Variants in SFT2D2 observed in about 807,000 individuals in gnomAD.
The protein encoded by SFT2D2 is SFT2 domain containing 2.
A neutral mutation model predicts 27.4 loss-of-function variants in SFT2D2; 21 were observed. That is an observed-to-expected ratio of 0.77 (90% confidence interval 0.54 to 1.10). SFT2D2 has a LOEUF of 1.10. Ranked by LOEUF, SFT2D2 falls within the 50% of genes least tolerant of loss-of-function variation. The pLI is 0.00. For synonymous variants in SFT2D2, 72 were observed against 71.7 expected, an observed-to-expected ratio of 1.00 and a Z score of -0.02; for missense variants, 187 against 194.2, an observed-to-expected ratio of 0.96 and a Z score of 0.22.
In SFT2D2 at chr1:168,246,047, C is replaced by A. The variant is rs59879537; in HGVS notation, c.*3507C>A. On this transcript the variant is annotated 3_prime_UTR_variant, in exon 8 of 8. Transcript: ENST00000271375. ...CGCAGTGACGCAATGAAGCATCCAG[C>A]AAAGCTTTTGTTGTTGATTGTTTAG... 1.5e-4 allele frequency: 34 copies of A among 228,836 alleles called. No individual in the cohort carries two copies. The highest frequency in any genetic ancestry group is 7.6e-4 in the African/African-American group (32 of 41,998). 14.2% of individuals were successfully genotyped at this position (228,836 alleles called of 1,614,324 possible).
rs1647719757 is a variant in SFT2D2, at chr1:168,243,856, C to G, written c.*1316C>G. The G allele has an allele frequency of 6.5e-6, 1 of 152,988 alleles. No homozygotes were observed. Among genetic ancestry groups the G allele is most frequent in the Non-Finnish European group, 1.5e-5 (1 of 68,578 alleles). The allele number at this position is 152,988 out of a possible 1,614,324, so 9.5% of individuals were successfully genotyped here. On this transcript the variant is annotated 3_prime_UTR_variant, in exon 8 of 8. Coordinates refer to ENST00000271375, the MANE Select transcript of SFT2D2 (RefSeq NM_199344.3). ...CTCCTCCCTGGCCCTCCCTGCCCAT[C>G]TCTTTTGGAAGCTTCTTCCTGGATC...
intron 1 of SFT2D2, 75 bp from the exon 2 acceptor site, chr1:168,231,439 T>C (rs1647287561): frequency 1.6e-6 from 2 of 1,285,458 alleles, no homozygotes; most frequent in Non-Finnish European, 2.2e-6. Context: ...CTTAACACTT[T>C]CTAGATTTAG....
intron 6 of SFT2D2, among the ~76,000 whole-genome samples, chr1:168,237,808 A>G (rs2102331686): frequency 6.6e-6 from 1 of 151,956 alleles, no homozygotes; most frequent in South Asian, 2.1e-4. Context: ...TGTTAAGTAT[A>G]AGATATGGAG....
Position 168,252,544 on chromosome 1 carries a change from C to T in SFT2D2, c.*10004C>T, listed in dbSNP as rs530508545. The T allele has an allele frequency of 1.3e-5, 2 of 152,052 alleles. No individual in the cohort carries two copies. Among genetic ancestry groups the T allele is most frequent in the Non-Finnish European group, 2.9e-5 (2 of 67,996 alleles). 9.4% of individuals were successfully genotyped at this position (152,052 alleles called of 1,614,324 possible). ...ATTTTTTGGTCTTTCTGCTATGAAA[C>T]GTGTTTATTTTGCCTCTGTCAATGT... is the stretch of plus-strand genomic sequence containing the variant. On this transcript the variant is annotated 3_prime_UTR_variant, in exon 8 of 8. Transcript: ENST00000271375.
intron 3 of SFT2D2, 64 bp downstream of exon 3, chr1:168,231,983 C>T: frequency 2.1e-6 from 3 of 1,432,552 alleles, no homozygotes; most frequent in Non-Finnish European, 2.0e-6. Context: ...TGTTGGTTGC[C>T]CTTGAGGGAG....
rs937195770 is a variant in SFT2D2, at chr1:168,243,348, C to G, written c.*808C>G. 1 of 151,564 alleles carries G rather than the reference C, an allele frequency of 6.6e-6. No homozygotes were observed. Among genetic ancestry groups the G allele is most frequent in the African/African-American group, 2.4e-5 (1 of 41,210 alleles). The allele number at this position is 151,564 out of a possible 1,614,324, so 9.4% of individuals were successfully genotyped here. ...CCATAGGAGTTGAAAAATCCTGCTG[C>G]TCTCAGCTATATTTTTTTCTCCATT... On this transcript the variant is annotated 3_prime_UTR_variant, in exon 8 of 8. Transcript: ENST00000271375.
intron 1 of SFT2D2, among the ~76,000 whole-genome samples, chr1:168,227,511 G>C (rs1157879963): frequency 6.6e-6 from 1 of 152,192 alleles, no homozygotes; most frequent in Non-Finnish European, 1.5e-5. Context: ...GTAATTCTAT[G>C]GGATCGAATG....
chr1:168,232,788 A>G lies in SFT2D2; in HGVS notation c.236+869A>G, dbSNP rs115084406. On this transcript the variant is annotated intron_variant, in intron 3 of 7. Coordinates refer to ENST00000271375, the MANE Select transcript of SFT2D2 (RefSeq NM_199344.3). Reference sequence around the variant, plus strand: ...TGGTCCCTGCCAGGCAGACAGACATATAACTCATGATATAACAAGATATGG... The same window carrying G: ...TGGTCCCTGCCAGGCAGACAGACATGTAACTCATGATATAACAAGATATGG... 4.0e-3 allele frequency among the ~76,000 whole-genome samples: 613 copies of G among 152,366 alleles called. 1 individual carries two copies. The highest frequency in any genetic ancestry group is 0.014 in the African/African-American group (597 of 41,576).
At position 168,245,864 on chromosome 1, in the gene SFT2D2, C is replaced by T. The variant is rs562729316; in HGVS notation, c.*3324C>T. ...GCCATCTTGCTTTTTAATTGTATTT[C>T]TTAACACTAGAATTTTCTATTTCAA... On this transcript the variant is annotated 3_prime_UTR_variant, in exon 8 of 8. Coordinates refer to ENST00000271375, the MANE Select transcript of SFT2D2 (RefSeq NM_199344.3). The T allele has an allele frequency of 6.6e-6, 1 of 152,650 alleles. No individual in the cohort carries two copies. The highest frequency in any genetic ancestry group is 2.1e-4 in the South Asian group (1 of 4,832). The allele number at this position is 152,650 out of a possible 1,614,324, so 9.5% of individuals were successfully genotyped here.
Position 168,242,755 on chromosome 1 carries a change from G to A in SFT2D2, c.*215G>A. ...TAGCACAGGATGAGAAGTGGGTTCT[G>A]TATCTTGTGGAGTGGAATCTTCCTC... On this transcript the variant is annotated 3_prime_UTR_variant, in exon 8 of 8. Transcript: ENST00000271375. 1 of 576,726 alleles carries A rather than the reference G, an allele frequency of 1.7e-6. No individual in the cohort carries two copies. Among genetic ancestry groups the A allele is most frequent in the South Asian group, 2.0e-5 (1 of 50,254 alleles). The allele number at this position is 576,726 out of a possible 1,614,324, so 35.7% of individuals were successfully genotyped here.
Position 168,239,457 on chromosome 1 carries a change from G to GTTT in SFT2D2, c.443+315_443+317dup, listed in dbSNP as rs34187475. On this transcript the variant is annotated intron_variant, in intron 7 of 7. Transcript: ENST00000271375. ...CTTTTAACCCGTAGCTTTGAGTAGG[G>GTTT]TTTTTTTTTTTTTTTTTTTTATAAA... 2.1e-3 allele frequency among the ~76,000 whole-genome samples: 277 copies of GTTT among 129,484 alleles called. 2 individuals carry two copies. The highest frequency in any genetic ancestry group is 7.1e-3 in the African/African-American group (248 of 34,824). 84.9% of individuals were successfully genotyped at this position (129,484 alleles called of 152,430 possible). A position where few individuals can be genotyped will look rare whatever the true frequency, so the allele number is the denominator to read the frequency against.
Position 168,243,325 on chromosome 1 carries a change from A to G in SFT2D2, c.*785A>G, listed in dbSNP as rs1300967325. On this transcript the variant is annotated 3_prime_UTR_variant, in exon 8 of 8. Coordinates refer to ENST00000271375, the MANE Select transcript of SFT2D2 (RefSeq NM_199344.3). ...CTGTTTTTTTTTTGGACGAGAGCCC[A>G]TAGGAGTTGAAAAATCCTGCTGCTC... 2 of 150,924 alleles carry G rather than the reference A, an allele frequency of 1.3e-5. No homozygotes were observed. Among genetic ancestry groups the G allele is most frequent in the Non-Finnish European group, 2.9e-5 (2 of 67,854 alleles). The allele number at this position is 150,924 out of a possible 1,614,324, so 9.3% of individuals were successfully genotyped here. A position where few individuals can be genotyped will look rare whatever the true frequency, so the allele number is the denominator to read the frequency against.
rs1211742946 is a variant in SFT2D2 at position 168,249,781 on chromosome 1, A to C, written c.*7241A>C. 6.6e-6 allele frequency: 1 copy of C among 152,334 alleles called. No homozygotes were observed. Among genetic ancestry groups the C allele is most frequent in the Non-Finnish European group, 1.5e-5 (1 of 68,042 alleles). 9.4% of individuals were successfully genotyped at this position (152,334 alleles called of 1,614,324 possible). On this transcript the variant is annotated 3_prime_UTR_variant, in exon 8 of 8. Transcript: ENST00000271375. ...ACAGTTCCTGCTGGGTCATTGCAAGATGTCAGTGAGACGTGTCAAGTGCTT... is the reference window on the plus strand; with the variant it reads ...ACAGTTCCTGCTGGGTCATTGCAAGCTGTCAGTGAGACGTGTCAAGTGCTT...
Position 168,231,865 on chromosome 1 carries a change from G to A in SFT2D2, c.182G>A (p.Gly61Glu). The A allele has an allele frequency of 1.9e-6, 3 of 1,614,114 alleles. No homozygotes were observed. Among genetic ancestry groups the A allele is most frequent in the Non-Finnish European group, 2.5e-6 (3 of 1,180,012 alleles). Reference sequence around the variant, plus strand: ...GTTCTGCTGTGGGTGCCCAGGAAGGGACTACACCTCTTCGCAGTGTTTTAT... The same window carrying A: ...GTTCTGCTGTGGGTGCCCAGGAAGGAACTACACCTCTTCGCAGTGTTTTAT... ...GTVLLWVPRK[G>E]LHLFAVFYTF... Residue 61 changes from glycine to glutamate, a missense_variant, in exon 3 of 8, where the codon GGA becomes GAA. Transcript: ENST00000271375.
At chr1:168,228,843 C>T (rs978693427) in intron 1 of SFT2D2, among the ~76,000 whole-genome samples, 5 of 152,198 alleles carry the variant, frequency 3.3e-5, no homozygotes, top group Admixed American at 3.3e-4. Context: ...TTTAGCTACT[C>T]TAATTTCCAA....
rs554391020 is a variant in SFT2D2, at chr1:168,247,951, T to C, written c.*5411T>C. The stretch of plus-strand genomic sequence containing the variant: ...CAGTGATGATGAGCATTTTTTCATA[T>C]GTTTGTTGGCTGCATAAATATCTTC... On this transcript the variant is annotated 3_prime_UTR_variant, in exon 8 of 8. Coordinates refer to ENST00000271375, the MANE Select transcript of SFT2D2 (RefSeq NM_199344.3). The C allele has an allele frequency of 4.6e-5, 7 of 152,354 alleles. No individual in the cohort carries two copies. The highest frequency in any genetic ancestry group is 1.4e-4 in the African/African-American group (6 of 41,582). 9.4% of individuals were successfully genotyped at this position (152,354 alleles called of 1,614,324 possible).
chr1:168,227,109 C>G (rs1700470299), intron 1 of SFT2D2, among the ~76,000 whole-genome samples: 1 of 152,202 alleles, frequency 6.6e-6, no homozygotes. Flanking sequence ...CATGAGCCAC[C>G]GCGCCCGGCC....
At chr1:168,239,294 A>C in intron 7 of SFT2D2, 134 bp downstream of exon 7, 2 of 653,128 alleles carry the variant, frequency 3.1e-6, no homozygotes, top group Non-Finnish European at 5.4e-6. Flanking sequence ...CATCTCATTT[A>C]TAGATAAGTA....
At chr1:168,238,396 C>G (rs1647561269) in intron 6 of SFT2D2, among the ~76,000 whole-genome samples, 1 of 151,998 alleles carries the variant, frequency 6.6e-6, no homozygotes, top group South Asian at 2.1e-4. Flanking sequence ...GTGGCTCACA[C>G]TGTAATGCCA....
Sources: allele counts gnomAD v4.1 joint callset (sites outside exome capture counted in the v4.1 genomes callset), GRCh38; gene constraint gnomAD v4.1.1; transcripts MANE v1.5; gene names NCBI Gene and HGNC (gene_info 2026-07-23, HGNC 2026-07-21).